AGAP1: variants seen among roughly 807,000 people sequenced by gnomAD.
The protein encoded by AGAP1 is ArfGAP with GTPase domain, ankyrin repeat and PH domain 1, also known as arf-GAP with GTPase, ANK repeat and PH domain-containing protein 1.
A neutral mutation model predicts 105.3 loss-of-function variants in AGAP1; 29 were observed. The ratio of observed to expected loss-of-function variants is 0.28; its 90% CI spans 0.21 to 0.38. The LOEUF (loss-of-function observed/expected upper bound fraction) is 0.38. AGAP1 is among the 10% of genes least tolerant of loss of function. The pLI is 1.00. For missense variants in AGAP1, 998 were observed against 1,165.1 expected (o/e 0.86, Z 2.09); for synonymous variants, 509 against 485.9 (o/e 1.05, Z -0.63).
chr2:235,682,912 C>T (rs1423795018), intron 1 of AGAP1, among the ~76,000 whole-genome samples: 1 of 152,046 alleles, frequency 6.6e-6, no homozygotes, highest in African/African-American at 2.4e-5. Context: ...CCCTCCAACA[C>T]AGGGAATGTT....
At chr2:235,831,198 A>AC (rs1553643966) in intron 9 of AGAP1, among the ~76,000 whole-genome samples, 48 of 152,034 alleles carry the variant, frequency 3.2e-4, no homozygotes, top group African/African-American at 1.1e-3. Flanking sequence ...AAAAAAAAAA[A>AC]AAAACAGTAA....
At chr2:235,972,903 C>T (rs2054711983) in intron 13 of AGAP1, among the ~76,000 whole-genome samples, 1 of 152,276 alleles carries the variant, frequency 6.6e-6, no homozygotes, top group South Asian at 2.1e-4. Context: ...TTTAGCCTGG[C>T]CCAGGGAGCC....
intron 1 of AGAP1, among the ~76,000 whole-genome samples, chr2:235,684,208 A>T (rs1181402930): frequency 6.6e-6 from 1 of 151,862 alleles, no homozygotes; most frequent in African/African-American, 2.4e-5. Flanking sequence ...CGCCTGGCTA[A>T]TTTTTTGTAT....
chr2:235,904,035 G>A lies in AGAP1; in HGVS notation c.1156-4703G>A, dbSNP rs1028304737. On this transcript the variant is annotated intron_variant, in intron 10 of 17. Coordinates refer to ENST00000304032, the MANE Select transcript of AGAP1 (RefSeq NM_001037131.3). The surrounding 1 kb of genome is among the most constrained non-coding windows in gnomAD (Gnocchi z 4.2). The stretch of plus-strand genomic sequence containing the variant: ...GCTGAAAGCTATGGGTCTCTGACAC[G>A]GCTCTCAATTGCTAGCAGGTTTCTC... Among the ~76,000 whole-genome samples the A allele has an allele frequency of 1.4e-4, 21 of 152,140 alleles. No individual in the cohort carries two copies. The highest frequency in any genetic ancestry group is 1.9e-4 in the East Asian group (1 of 5,150).
rs189628194 is a variant in AGAP1 at position 235,614,114 on chromosome 2, C to T, written c.164-95065C>T. Among the ~76,000 whole-genome samples the T allele has an allele frequency of 1.3e-4, 20 of 152,086 alleles. No individual in the cohort carries two copies. In the East Asian group the frequency reaches 2.7e-3, roughly 21 times the overall value. Reference sequence around the variant, plus strand: ...ATTGATTCACCAAATATTGATTGTACATCTGCGAATGTGCTAGATACCCTA... The same window carrying T: ...ATTGATTCACCAAATATTGATTGTATATCTGCGAATGTGCTAGATACCCTA... On this transcript the variant is annotated intron_variant, in intron 1 of 17. Transcript: ENST00000304032. This position sits in a 1 kb window ranked among gnomAD's most constrained non-coding sequence, Gnocchi z 4.7.
Position 235,967,419 on chromosome 2 carries a change from C to G in AGAP1, c.1484-1043C>G, listed in dbSNP as rs893677312. Among the ~76,000 whole-genome samples, 5 of 152,210 alleles carry G rather than the reference C, an allele frequency of 3.3e-5. No homozygotes were observed. Among genetic ancestry groups the G allele is most frequent in the Non-Finnish European group, 4.4e-5 (3 of 68,044 alleles). On this transcript the variant is annotated intron_variant, in intron 12 of 17. Coordinates refer to ENST00000304032, the MANE Select transcript of AGAP1 (RefSeq NM_001037131.3). The surrounding 1 kb of genome is among the most constrained non-coding windows in gnomAD (Gnocchi z 4.7). ...AACTCTTACCAGCTTCTGATGGACT[C>G]CAGGTTCTGGCCCGGCTGCCATGTC...
chr2:235,856,045 C>T (rs2048671368), intron 9 of AGAP1, among the ~76,000 whole-genome samples: 1 of 152,072 alleles, frequency 6.6e-6, no homozygotes, highest in Non-Finnish European at 1.5e-5. Context: ...TCTCGAGTAG[C>T]TGGAACTGCA....
chr2:235,645,900 A>G (rs1454366358), intron 1 of AGAP1, among the ~76,000 whole-genome samples: 1 of 152,222 alleles, frequency 6.6e-6, no homozygotes, highest in Non-Finnish European at 1.5e-5. Flanking sequence ...TTCAGAATCT[A>G]ACAATTCTTT....
chr2:235,593,780 A>G (rs145395396), intron 1 of AGAP1, among the ~76,000 whole-genome samples: 2,326 of 152,204 alleles, frequency 0.015, 59 homozygotes, highest in African/African-American at 0.053. Flanking sequence ...CCCGGGCAAC[A>G]TAGTGAGACC....
chr2:235,720,716 T>C lies in AGAP1; in HGVS notation c.310+3072T>C. The C allele has an allele frequency of 1.0e-6, 1 of 985,146 alleles. No individual in the cohort carries two copies. Among genetic ancestry groups the C allele is most frequent in the Non-Finnish European group, 1.2e-6 (1 of 829,698 alleles). 61.0% of individuals were successfully genotyped at this position (985,146 alleles called of 1,614,324 possible). A position where few individuals can be genotyped will look rare whatever the true frequency, so the allele number is the denominator to read the frequency against. On this transcript the variant is annotated intron_variant, in intron 3 of 17. Coordinates refer to ENST00000304032, the MANE Select transcript of AGAP1 (RefSeq NM_001037131.3). The surrounding 1 kb of genome is among the most constrained non-coding windows in gnomAD (Gnocchi z 5.0). Reference sequence around the variant, plus strand: ...CTGTTCTTCTGATTTAATTAGTGCGTGAGTATCCTTTATGTCATAATCCTG... The same window carrying C: ...CTGTTCTTCTGATTTAATTAGTGCGCGAGTATCCTTTATGTCATAATCCTG...
At position 236,124,176 on chromosome 2, in the gene AGAP1, A is replaced by G. The variant is rs1254416726; in HGVS notation, c.*54A>G. On this transcript the variant is annotated 3_prime_UTR_variant, in exon 18 of 18. Transcript: ENST00000304032. The surrounding 1 kb of genome is among the most constrained non-coding windows in gnomAD (Gnocchi z 5.1). The stretch of plus-strand genomic sequence containing the variant: ...ACCTGGGACGCGGCAGCCTCGCCGC[A>G]TTCTCGCTCAGAAGTCGCAGCACGT... 15 of 1,584,858 alleles carry G rather than the reference A, an allele frequency of 9.5e-6. No individual in the cohort carries two copies. Among genetic ancestry groups the G allele is most frequent in the African/African-American group, 1.3e-5 (1 of 74,348 alleles).
chr2:235,735,846 A>G (rs1952216402), intron 3 of AGAP1, among the ~76,000 whole-genome samples: 1 of 152,006 alleles, frequency 6.6e-6, no homozygotes, highest in South Asian at 2.1e-4. Context: ...AACCTAATAC[A>G]TTGCACATTG....
chr2:235,819,848 G>A (rs1439246823), intron 9 of AGAP1, among the ~76,000 whole-genome samples: 1 of 151,546 alleles, frequency 6.6e-6, no homozygotes, highest in Non-Finnish European at 1.5e-5. Context: ...GGTGGTAGTA[G>A]CACTAGGTAG....
In AGAP1 at chr2:236,020,251, C is replaced by A. The variant is rs771338212; in HGVS notation, c.1646-16310C>A. On this transcript the variant is annotated intron_variant, in intron 13 of 17. Transcript: ENST00000304032. This position sits in a 1 kb window ranked among gnomAD's most constrained non-coding sequence, Gnocchi z 5.0. Reference sequence around the variant, plus strand: ...CCCCTGCATTGCTCCTTGCCTAGGACCAGTAAGCCCCAGTACTCAAGCACC... The same window carrying A: ...CCCCTGCATTGCTCCTTGCCTAGGAACAGTAAGCCCCAGTACTCAAGCACC... Among the ~76,000 whole-genome samples, 25 of 152,140 alleles carry A rather than the reference C, an allele frequency of 1.6e-4. No individual in the cohort carries two copies. The highest frequency in any genetic ancestry group is 3.2e-4 in the Non-Finnish European group (22 of 68,034).
chr2:235,832,785 A>T (rs143056291), intron 9 of AGAP1, among the ~76,000 whole-genome samples: 1 of 152,154 alleles, frequency 6.6e-6, no homozygotes. Flanking sequence ...GGGATGTTCA[A>T]ACCCACAGAC....
chr2:235,570,793 AGGATTT>A (rs1944487410), intron 1 of AGAP1, among the ~76,000 whole-genome samples: 1 of 152,240 alleles, frequency 6.6e-6, no homozygotes, highest in African/African-American at 2.4e-5. Context: ...ACATTTTATC[AGGATTT>A]GGTGTGACAC....
chr2:235,845,849 G>A lies in AGAP1; in HGVS notation c.1051-37496G>A, dbSNP rs545015976. Among the ~76,000 whole-genome samples, 7 of 151,832 alleles carry A rather than the reference G, an allele frequency of 4.6e-5. No individual in the cohort carries two copies. Among genetic ancestry groups the A allele is most frequent in the Non-Finnish European group, 1.0e-4 (7 of 67,974 alleles). ...CATGTGGTTTGGGGCCTGGATGTGTGTTTGGGCCTCCTCACTGGTTTCCAA... is the reference window on the plus strand; with the variant it reads ...CATGTGGTTTGGGGCCTGGATGTGTATTTGGGCCTCCTCACTGGTTTCCAA... On this transcript the variant is annotated intron_variant, in intron 9 of 17. Transcript: ENST00000304032. This position sits in a 1 kb window ranked among gnomAD's most constrained non-coding sequence, Gnocchi z 4.8.
rs1957378057 is a variant in AGAP1, at chr2:235,799,151, G to C, written c.802-216G>C. On this transcript the variant is annotated intron_variant, in intron 7 of 17. Transcript: ENST00000304032. This position sits in a 1 kb window ranked among gnomAD's most constrained non-coding sequence, Gnocchi z 5.0. Reference sequence around the variant, plus strand: ...TCTTTGTCTTCAGTCACTTTTCTCAGGGGATGCCACTGAGTGAGATGATTG... The same window carrying C: ...TCTTTGTCTTCAGTCACTTTTCTCACGGGATGCCACTGAGTGAGATGATTG... 6.6e-6 allele frequency among the ~76,000 whole-genome samples: 1 copy of C among 152,164 alleles called. No homozygotes were observed. Among genetic ancestry groups the C allele is most frequent in the South Asian group, 2.1e-4 (1 of 4,824 alleles).
rs1166521617 is a variant in AGAP1 at position 235,973,201 on chromosome 2, C to T, written c.1645+4578C>T. Among the ~76,000 whole-genome samples, 3 of 152,150 alleles carry T rather than the reference C, an allele frequency of 2.0e-5. No individual in the cohort carries two copies. The highest frequency in any genetic ancestry group is 4.8e-5 in the African/African-American group (2 of 41,428). Reference sequence around the variant, plus strand: ...TCCCTGCGCAGGTGCTCGCTGTGCTCTTTTTGCTGAAGAACAGCCACTTTG... The same window carrying T: ...TCCCTGCGCAGGTGCTCGCTGTGCTTTTTTTGCTGAAGAACAGCCACTTTG... On this transcript the variant is annotated intron_variant, in intron 13 of 17. Coordinates refer to ENST00000304032, the MANE Select transcript of AGAP1 (RefSeq NM_001037131.3). This position sits in a 1 kb window ranked among gnomAD's most constrained non-coding sequence, Gnocchi z 4.7.
Sources: allele counts gnomAD v4.1 joint callset (sites outside exome capture counted in the v4.1 genomes callset), GRCh38; gene constraint gnomAD v4.1.1; non-coding constraint Gnocchi (gnomAD v3.1); transcripts MANE v1.5; gene names NCBI Gene and HGNC (gene_info 2026-07-23, HGNC 2026-07-21).